ARHGAP23: variants seen among roughly 807,000 people sequenced by gnomAD.
The protein encoded by ARHGAP23 is rho GTPase-activating protein 23.
A neutral mutation model predicts 136.3 loss-of-function variants in ARHGAP23; 34 were observed. That is an observed-to-expected ratio of 0.25 (90% CI 0.19 to 0.33). The LOEUF (loss-of-function observed/expected upper bound fraction) is 0.33. ARHGAP23 is among the 10% of genes least tolerant of loss of function. The probability of loss-of-function intolerance (pLI) is 1.00; values close to 1 mark genes in which losing one functional copy is unlikely to be tolerated. For missense variants in ARHGAP23, 1,808 were observed against 2,139.0 expected, an observed-to-expected ratio of 0.85 and a Z score of 3.05; for synonymous variants, 832 against 920.5, an observed-to-expected ratio of 0.90 and a Z score of 1.74.
rs180861604 is a variant in ARHGAP23, at chr17:38,476,868, C to G, written c.2119-711C>G. On this transcript the variant is annotated intron_variant, in intron 11 of 23. Coordinates refer to ENST00000622683, the MANE Select transcript of ARHGAP23 (RefSeq NM_001199417.2). The stretch of plus-strand genomic sequence containing the variant: ...CCTCCACACAAATGTCCCGTGGGGA[C>G]TAGTCTCCTGGCTGTTTAACTACAG... Among the ~76,000 whole-genome samples the G allele has an allele frequency of 4.9e-4, 74 of 152,252 alleles. 1 individual carries two copies. Among genetic ancestry groups the G allele is most frequent in the African/African-American group, 1.6e-3 (66 of 41,556 alleles).
At chr17:38,458,469 A>G (rs1035604474) in intron 2 of ARHGAP23, among the ~76,000 whole-genome samples, 4 of 152,132 alleles carry the variant, frequency 2.6e-5, no homozygotes, top group Non-Finnish European at 1.5e-5. Flanking sequence ...GTACTGTGTG[A>G]CCGTGGACAA....
intron 1 of ARHGAP23, among the ~76,000 whole-genome samples, chr17:38,439,108 T>G (rs2038865631): frequency 1.4e-5 from 2 of 144,650 alleles, no homozygotes; most frequent in Admixed American, 6.9e-5. Context: ...ACCCGGGAGG[T>G]GGAGGTTGCA....
intron 1 of ARHGAP23, among the ~76,000 whole-genome samples, chr17:38,429,995 G>T (rs1047545242): frequency 6.6e-6 from 1 of 152,078 alleles, no homozygotes; most frequent in Non-Finnish European, 1.5e-5. Flanking sequence ...CAGCCCAAAG[G>T]CCCCCGGCCC....
upstream of ARHGAP23, among the ~76,000 whole-genome samples, chr17:38,423,565 A>G (rs539910868): frequency 1.2e-4 from 18 of 151,620 alleles, no homozygotes; most frequent in Admixed American, 2.0e-4. Context: ...TAGAGATGGG[A>G]TTTCACCATG....
intron 4 of ARHGAP23, 62 bp from the exon 5 acceptor site, chr17:38,463,056 G>T: frequency 1.3e-6 from 2 of 1,542,072 alleles, no homozygotes; most frequent in Non-Finnish European, 1.8e-6. Context: ...GCCTGGTACA[G>T]GGGTTCTCAG....
chr17:38,488,136 G>T (rs980740653), intron 17 of ARHGAP23, among the ~76,000 whole-genome samples: 2 of 152,062 alleles, frequency 1.3e-5, no homozygotes, highest in African/African-American at 2.4e-5. Context: ...TTCAACTCCT[G>T]GTCTAAAGTG....
chr17:38,479,991 G>A (rs1274097540), intron 14 of ARHGAP23, 108 bp downstream of exon 14: 5 of 1,429,700 alleles, frequency 3.5e-6, no homozygotes, highest in African/African-American at 2.8e-5. Flanking sequence ...GTGCCTGACT[G>A]TGTGCCAGGG....
chr17:38,466,616 G>A lies in ARHGAP23; in HGVS notation c.933G>A (p.Arg311=), dbSNP rs1179338043. The change falls in exon 7 of 24, where the codon CGG becomes CGA. Residue 311 remains arginine, a synonymous_variant. Coordinates refer to ENST00000622683, the MANE Select transcript of ARHGAP23 (RefSeq NM_001199417.2). The part of the protein sequence containing the change: ...GERRCPAMAP[R]ARSASQDRLE... ...GACGGTGCCCAGCCATGGCCCCCCG[G>A]GCCCGCAGCGCCTCCCAGGACCGGT... The A allele has an allele frequency of 7.9e-6, 12 of 1,515,174 alleles. No individual in the cohort carries two copies. In the East Asian group the frequency reaches 2.9e-4, roughly 37 times the overall value. The allele number at this position is 1,515,174 out of a possible 1,614,324, so 93.9% of individuals were successfully genotyped here.
At chr17:38,432,602 C>T (rs1269236163) in intron 1 of ARHGAP23, among the ~76,000 whole-genome samples, 2 of 151,950 alleles carry the variant, frequency 1.3e-5, no homozygotes, top group Non-Finnish European at 2.9e-5. Context: ...TCGCTTGAAC[C>T]TGGGAGAGGG....
rs15537 is a variant in ARHGAP23, at chr17:38,510,786, C to T, written c.4290C>T (p.Pro1430=). The T allele has an allele frequency of 0.067, 101,152 of 1,502,556 alleles. 3,770 individuals carry two copies. Among genetic ancestry groups the T allele is most frequent in the Middle Eastern group, 0.14 (704 of 5,044 alleles). The allele number at this position is 1,502,556 out of a possible 1,614,324, so 93.1% of individuals were successfully genotyped here. ...GGAAGGAGCTGGGCGGAGGGGGCCC[C>T]CCGGAGCCTGCGGGCGCGCGGGCGC... ...NEWKELGGGG[P]PEPAGARAHS... is the part of the protein sequence containing the mutation. The change falls in exon 24 of 24, where the codon CCC becomes CCT. Residue 1430 remains proline, a synonymous_variant. Transcript: ENST00000622683. This position sits in a 1 kb window ranked among gnomAD's most constrained non-coding sequence, Gnocchi z 4.6.
chr17:38,469,035 A>T (rs944263714), intron 7 of ARHGAP23, 109 bp from the exon 8 acceptor site: 18 of 1,167,966 alleles, frequency 1.5e-5, no homozygotes, highest in Non-Finnish European at 1.9e-5. Context: ...ACCCTTTGGG[A>T]TGTGTCTGAG....
chr17:38,441,750 CG>C (rs2038924817), intron 1 of ARHGAP23, among the ~76,000 whole-genome samples: 1 of 151,826 alleles, frequency 6.6e-6, no homozygotes, highest in Non-Finnish European at 1.5e-5. Flanking sequence ...AAGAAGGGGA[CG>C]GGGAGGGGGC....
At chr17:38,492,161 C>T (rs1179747017) in intron 20 of ARHGAP23, among the ~76,000 whole-genome samples, 2 of 152,152 alleles carry the variant, frequency 1.3e-5, no homozygotes, top group African/African-American at 2.4e-5. Flanking sequence ...TGTGCATGGG[C>T]GGAGGAGAAC....
chr17:38,437,591 T>C (rs947363435), intron 1 of ARHGAP23, among the ~76,000 whole-genome samples: 1 of 151,252 alleles, frequency 6.6e-6, no homozygotes, highest in African/African-American at 2.4e-5. Flanking sequence ...CACTCCAGCC[T>C]GGACAACAGA....
intron 1 of ARHGAP23, among the ~76,000 whole-genome samples, chr17:38,446,939 A>G (rs939786514): frequency 6.6e-6 from 1 of 151,994 alleles, no homozygotes; most frequent in African/African-American, 2.4e-5. Context: ...TCAGCCTCCC[A>G]AGTAGCTGGG....
chr17:38,451,671 C>T (rs1016424140), intron 1 of ARHGAP23: 1 of 152,286 alleles, frequency 6.6e-6, no homozygotes, highest in Non-Finnish European at 1.5e-5. Context: ...CTGAAGACAT[C>T]TGGTTGCCCT....
At chr17:38,472,056 C>G in intron 11 of ARHGAP23, 50 bp downstream of exon 11, 1 of 1,470,380 alleles carries the variant, frequency 6.8e-7, no homozygotes, top group South Asian at 1.3e-5. Context: ...CAGAACCCTC[C>G]AGCCTCTCCT....
At chr17:38,430,522 G>GTAGTGGA (rs2038664530) in intron 1 of ARHGAP23, among the ~76,000 whole-genome samples, 1 of 152,188 alleles carries the variant, frequency 6.6e-6, no homozygotes, top group African/African-American at 2.4e-5. Context: ...GCAGGAGTGG[G>GTAGTGGA]TAGTGGATTG....
chr17:38,486,740 T>G (rs1434422744), intron 17 of ARHGAP23, among the ~76,000 whole-genome samples: 1 of 152,216 alleles, frequency 6.6e-6, no homozygotes, highest in East Asian at 1.9e-4. Flanking sequence ...GTCTTCCCTC[T>G]ACAGATTAGG....
Sources: allele counts gnomAD v4.1 joint callset (sites outside exome capture counted in the v4.1 genomes callset), GRCh38; gene constraint gnomAD v4.1.1; non-coding constraint Gnocchi (gnomAD v3.1); transcripts MANE v1.5; gene names NCBI Gene and HGNC (gene_info 2026-07-23, HGNC 2026-07-21).